Variants in RARB observed in about 807,000 individuals in gnomAD.
RARB encodes retinoic acid receptor beta.
RARB carries 17 observed loss-of-function variants against 51.9 expected under a neutral mutation model. That is an observed-to-expected ratio of 0.33 (90% CI 0.22 to 0.49). The LOEUF (loss-of-function observed/expected upper bound fraction) is 0.49, where lower values mean the gene tolerates loss of function less well. Ranked by LOEUF, RARB falls within the 20% of genes least tolerant of loss-of-function variation. The pLI is 0.99. For synonymous variants in RARB, 215 were observed against 195.4 expected (o/e 1.10, Z -0.84); for missense variants, 369 against 550.8 (o/e 0.67, Z 3.30).
At chr3:25,241,967 G>A (rs1023764472) in intron 5 of RARB, among the ~76,000 whole-genome samples, 3 of 152,136 alleles carry the variant, frequency 2.0e-5, no homozygotes, top group Non-Finnish European at 4.4e-5. Context: ...ATCCTCTCCA[G>A]CATCTGTTGT....
intron 5 of RARB, among the ~76,000 whole-genome samples, chr3:25,206,580 AT>A (rs1387023550): frequency 6.6e-6 from 1 of 152,144 alleles, no homozygotes; most frequent in African/African-American, 2.4e-5. Flanking sequence ...ATTTCAGATC[AT>A]TTATCTTTCT....
chr3:25,475,496 A>T (rs1695902993), intron 2 of RARB, among the ~76,000 whole-genome samples: 1 of 152,220 alleles, frequency 6.6e-6, no homozygotes, highest in African/African-American at 2.4e-5. Flanking sequence ...TATTTTAAAT[A>T]ATAAAGCTGA....
chr3:25,540,611 G>A (rs1042968186), intron 3 of RARB, among the ~76,000 whole-genome samples: 1 of 152,148 alleles, frequency 6.6e-6, no homozygotes, highest in Non-Finnish European at 1.5e-5. Flanking sequence ...CAGCATCCCA[G>A]CTTCTGATGA....
intron 2 of RARB, among the ~76,000 whole-genome samples, chr3:25,025,290 G>A (rs1697723904): frequency 6.6e-6 from 1 of 152,326 alleles, no homozygotes; most frequent in East Asian, 1.9e-4. Context: ...GAAGTTGTCA[G>A]CAAATTATTC....
chr3:25,174,491 G>A (rs1276740148), exon 5 of RARB: 2 of 1,352,088 alleles, frequency 1.5e-6, no homozygotes, highest in South Asian at 1.1e-5. Context: ...CTTTCCACCT[G>A]TCATCGGAGG....
At chr3:25,374,333 G>A (rs997904210) in intron 5 of RARB, among the ~76,000 whole-genome samples, 1 of 152,132 alleles carries the variant, frequency 6.6e-6, no homozygotes, top group Non-Finnish European at 1.5e-5. Context: ...AATTTACATG[G>A]GGTAAGTTCC....
intron 1 of RARB, among the ~76,000 whole-genome samples, chr3:24,855,793 G>C (rs950985243): frequency 1.4e-5 from 2 of 140,298 alleles, no homozygotes; most frequent in Non-Finnish European, 3.0e-5. Context: ...TGTCGCCCAG[G>C]CTGGATGGAG....
At chr3:24,962,756 A>G (rs929541539) in intron 2 of RARB, among the ~76,000 whole-genome samples, 1 of 152,218 alleles carries the variant, frequency 6.6e-6, no homozygotes, top group Non-Finnish European at 1.5e-5. Flanking sequence ...CCACGAAAGC[A>G]GTCTCTGGTC....
chr3:25,448,542 A>G (rs1709050893), intron 1 of RARB, among the ~76,000 whole-genome samples: 1 of 151,998 alleles, frequency 6.6e-6, no homozygotes, highest in Admixed American at 6.6e-5. Flanking sequence ...ATCTCGGCTC[A>G]CCACAATCTC....
At chr3:24,875,486 G>A (rs1471759195) in intron 2 of RARB, among the ~76,000 whole-genome samples, 1 of 152,060 alleles carries the variant, frequency 6.6e-6, no homozygotes, top group East Asian at 1.9e-4. Flanking sequence ...CTTACCCATA[G>A]GTTTATTATG....
chr3:25,268,011 A>C (rs916048398), intron 5 of RARB, among the ~76,000 whole-genome samples: 8 of 152,198 alleles, frequency 5.3e-5, no homozygotes, highest in African/African-American at 1.7e-4. Flanking sequence ...TATATTTCTT[A>C]AGTCATCAGT....
At chr3:24,878,672 C>G (rs1703097886) in intron 2 of RARB, among the ~76,000 whole-genome samples, 1 of 152,086 alleles carries the variant, frequency 6.6e-6, no homozygotes, top group Non-Finnish European at 1.5e-5. Flanking sequence ...ATTGTGATAA[C>G]CAAAAGTATG....
rs139701882 is a variant in RARB at position 24,837,029 on chromosome 3, A to G, written c.-459+7626A>G. Among the ~76,000 whole-genome samples the G allele has an allele frequency of 7.3e-3, 1,111 of 152,320 alleles. 12 individuals are homozygous for G. Among genetic ancestry groups the G allele is most frequent in the African/African-American group, 0.025 (1,024 of 41,570 alleles). On this transcript the variant is annotated intron_variant, in intron 1 of 11. Transcript: ENST00000383772. ...CTGTTGGGAGACATATATCACAATA[A>G]ATTAGACAAATAATATGATAATTTC...
chr3:25,392,835 C>G (rs6781974), intron 5 of RARB, among the ~76,000 whole-genome samples: 4,201 of 152,126 alleles, frequency 0.028, 188 homozygotes, highest in African/African-American at 0.094. Flanking sequence ...CATTAGCAAA[C>G]AGCAACAGTT....
At chr3:25,360,210 A>G (rs1486750002) in intron 5 of RARB, among the ~76,000 whole-genome samples, 2 of 152,056 alleles carry the variant, frequency 1.3e-5, no homozygotes. Flanking sequence ...TGTTGTGTTG[A>G]TCCCTTTACC....
intron 5 of RARB, among the ~76,000 whole-genome samples, chr3:25,246,000 G>A (rs2125398875): frequency 6.6e-6 from 1 of 152,014 alleles, no homozygotes; most frequent in African/African-American, 2.4e-5. Flanking sequence ...TATATTTCTT[G>A]GAGGCTTTGT....
At chr3:24,878,249 T>G (rs1004312293) in intron 2 of RARB, among the ~76,000 whole-genome samples, 1 of 152,004 alleles carries the variant, frequency 6.6e-6, no homozygotes, top group African/African-American at 2.4e-5. Flanking sequence ...TGTATGTCTC[T>G]TCCATCATTT....
At chr3:24,903,128 A>G (rs1703642475) in intron 2 of RARB, among the ~76,000 whole-genome samples, 1 of 152,102 alleles carries the variant, frequency 6.6e-6, no homozygotes, top group Non-Finnish European at 1.5e-5. Context: ...TACTTATTTT[A>G]ATAAAATAAT....
Position 25,309,129 on chromosome 3 carries a change from A to ATT in RARB, c.178+134580_178+134581dup, listed in dbSNP as rs1171133293. 1.4e-3 allele frequency among the ~76,000 whole-genome samples: 126 copies of ATT among 93,020 alleles called. 8 individuals carry two copies. The highest frequency in any genetic ancestry group is 6.0e-3 in the Middle Eastern group (1 of 168). The allele number at this position is 93,020 out of a possible 152,430, so 61.0% of individuals were successfully genotyped here. ...TCATTTCTGCGTGGACTGTGCCTCCATTTTTTTTTTTTTTTTTTTTTTTTT... is the reference window on the plus strand; with the variant it reads ...TCATTTCTGCGTGGACTGTGCCTCCATTTTTTTTTTTTTTTTTTTTTTTTTTT... On this transcript the variant is annotated intron_variant, in intron 5 of 11. Transcript: ENST00000383772.
Sources: gnomAD v4.1 joint callset for allele counts (sites outside exome capture counted in the v4.1 genomes callset) on GRCh38, gnomAD v4.1.1 for gene constraint, MANE v1.5 for transcripts, NCBI Gene and HGNC (gene_info 2026-07-23, HGNC 2026-07-21) for gene names.